Variants in SV2C observed in about 807,000 individuals in gnomAD.
SV2C encodes synaptic vesicle glycoprotein 2C.
Under a neutral mutation model 79.7 loss-of-function variants are expected in SV2C, and 49 were observed. The ratio of observed to expected loss-of-function variants is 0.61; its 90% CI spans 0.49 to 0.78. SV2C has a LOEUF of 0.78. Among genes scored for constraint, SV2C ranks in the 30% least tolerant of loss-of-function variants. SV2C has a pLI of 0.00. For synonymous variants in SV2C, 334 were observed against 333.2 expected (o/e 1.00, Z -0.03); for missense variants, 833 against 912.9 (o/e 0.91, Z 1.13).
the SV2C span, among the ~76,000 whole-genome samples, chr5:75,991,625 A>G: frequency 6.7e-6 from 1 of 148,794 alleles, no homozygotes; most frequent in Admixed American, 6.8e-5. Flanking sequence ...ATGCAAAACC[A>G]TCAGATATAT....
At chr5:76,091,584 A>C (rs776168004) in intron 1 of SV2C, 1 of 152,302 alleles carries the variant, frequency 6.6e-6, no homozygotes, top group Non-Finnish European at 1.5e-5. Context: ...GCCAAGTGAT[A>C]CAGTGTACTG....
intron 2 of SV2C, among the ~76,000 whole-genome samples, chr5:76,174,632 C>T (rs1031610921): frequency 1.2e-4 from 19 of 152,212 alleles, no homozygotes; most frequent in African/African-American, 4.1e-4. Context: ...TTTTAGGCCA[C>T]CTGTGGTCTC....
At chr5:75,942,844 G>T in the SV2C span, among the ~76,000 whole-genome samples, 1 of 152,072 alleles carries the variant, frequency 6.6e-6, no homozygotes, top group African/African-American at 2.4e-5. Context: ...ATTTGTTAAG[G>T]TTGACACTGT....
At chr5:76,067,408 T>A in the SV2C span, among the ~76,000 whole-genome samples, 1 of 144,856 alleles carries the variant, frequency 6.9e-6, no homozygotes, top group Non-Finnish European at 1.5e-5. Context: ...CCACAGTATC[T>A]TTGGAAGCAG....
intron 2 of SV2C, among the ~76,000 whole-genome samples, chr5:76,136,698 T>C (rs531007236): frequency 6.6e-6 from 1 of 152,332 alleles, no homozygotes; most frequent in South Asian, 2.1e-4. Flanking sequence ...CTTCACATTC[T>C]GCACATGTAT....
chr5:75,870,768 A>G, the SV2C span, among the ~76,000 whole-genome samples: 1 of 151,492 alleles, frequency 6.6e-6, no homozygotes, highest in African/African-American at 2.4e-5. Context: ...AAAAGCATAA[A>G]GAGAACGGAA....
chr5:75,984,598 CCTAT>C, the SV2C span, among the ~76,000 whole-genome samples: 110 of 82,506 alleles, frequency 1.3e-3, no homozygotes, highest in South Asian at 2.2e-3. Flanking sequence ...TATCTATCTA[CCTAT>C]CTATCTATCT....
At chr5:76,069,849 C>A in the SV2C span, among the ~76,000 whole-genome samples, 4 of 135,492 alleles carry the variant, frequency 3.0e-5, no homozygotes, top group African/African-American at 1.0e-4. Flanking sequence ...CACACACATA[C>A]ACACACACAA....
chr5:76,045,697 CTTGAACTTTATTAT>C, the SV2C span, among the ~76,000 whole-genome samples: 55 of 152,080 alleles, frequency 3.6e-4, no homozygotes, highest in Admixed American at 2.4e-3. Context: ...GTTTGGTTGC[CTTGAACTTTATTAT>C]TTAAATCTAT....
intron 4 of SV2C, among the ~76,000 whole-genome samples, chr5:76,266,905 G>A (rs973019540): frequency 1.3e-5 from 2 of 152,188 alleles, no homozygotes; most frequent in Non-Finnish European, 2.9e-5. Context: ...TGAGCAGAAT[G>A]AGGATTAACA....
At chr5:76,032,036 A>G in the SV2C span, among the ~76,000 whole-genome samples, 1 of 152,300 alleles carries the variant, frequency 6.6e-6, no homozygotes, top group African/African-American at 2.4e-5. Context: ...AAGACTCTAC[A>G]TATATTTGTT....
intron 4 of SV2C, among the ~76,000 whole-genome samples, chr5:76,261,523 T>G (rs1746470165): frequency 6.6e-6 from 1 of 152,164 alleles, no homozygotes; most frequent in Admixed American, 6.5e-5. Flanking sequence ...CTTGTGCCAG[T>G]TTTCAAAGGG....
chr5:76,139,750 G>A (rs1749191671), intron 2 of SV2C, among the ~76,000 whole-genome samples: 1 of 151,826 alleles, frequency 6.6e-6, no homozygotes, highest in Admixed American at 6.6e-5. Flanking sequence ...TATACTGGAC[G>A]AAAACAGAGC....
chr5:76,043,020 T>C, the SV2C span, among the ~76,000 whole-genome samples: 1 of 152,184 alleles, frequency 6.6e-6, no homozygotes, highest in Non-Finnish European at 1.5e-5. Context: ...AGCCCAGGCT[T>C]TAGGACTGTC....
At chr5:76,265,035 G>C (rs1420923240) in intron 4 of SV2C, among the ~76,000 whole-genome samples, 2 of 152,202 alleles carry the variant, frequency 1.3e-5, no homozygotes, top group Non-Finnish European at 2.9e-5. Context: ...ATTTATGTCT[G>C]CTGAACCTGT....
chr5:75,992,295 G>C, the SV2C span, among the ~76,000 whole-genome samples: 7 of 151,956 alleles, frequency 4.6e-5, no homozygotes, highest in East Asian at 1.4e-3. Flanking sequence ...TTTTATATCA[G>C]GACCATAAAA....
At chr5:76,171,740 T>C (rs1157491153) in intron 2 of SV2C, among the ~76,000 whole-genome samples, 84 of 99,008 alleles carry the variant, frequency 8.5e-4, no homozygotes, top group Admixed American at 5.0e-3. Context: ...TGGCCAGCCG[T>C]GCCGTCCGGG....
At chr5:76,158,157 C>T (rs116414400) in intron 2 of SV2C, among the ~76,000 whole-genome samples, 217 of 151,452 alleles carry the variant, frequency 1.4e-3, no homozygotes, top group African/African-American at 5.0e-3. Flanking sequence ...ATATAGGAAA[C>T]GAAAAGTAGA....
At chr5:76,020,463 A>C in the SV2C span, among the ~76,000 whole-genome samples, 6 of 152,134 alleles carry the variant, frequency 3.9e-5, no homozygotes, top group African/African-American at 1.4e-4. Context: ...AGAAAACCTG[A>C]CTTTTTAGTT....
Sources: allele counts gnomAD v4.1 joint callset (sites outside exome capture counted in the v4.1 genomes callset), GRCh38; gene constraint gnomAD v4.1.1; transcripts MANE v1.5; gene names NCBI Gene and HGNC (gene_info 2026-07-23, HGNC 2026-07-21).